Variants in FHOD3 observed in about 807,000 individuals in gnomAD.
FHOD3 encodes FH1/FH2 domain-containing protein 3.
In FHOD3, 90 loss-of-function variants were observed where a neutral mutation model predicts 173.0. The observed-to-expected ratio is 0.52, with a 90% CI of 0.44 to 0.62. FHOD3 has a LOEUF of 0.62. Among genes scored for constraint, FHOD3 ranks in the 20% least tolerant of loss-of-function variants. FHOD3 has a pLI of 0.00. For missense variants in FHOD3, 1,945 were observed against 2,034.7 expected, an observed-to-expected ratio of 0.96 and a Z score of 0.85; for synonymous variants, 828 against 823.0, an observed-to-expected ratio of 1.01 and a Z score of -0.10.
intron 9 of FHOD3, among the ~76,000 whole-genome samples, chr18:36,625,113 C>T (rs1189280622): frequency 2.6e-5 from 4 of 152,252 alleles, no homozygotes; most frequent in African/African-American, 9.6e-5. Flanking sequence ...AACCGGCCAC[C>T]ACTAGGCTTC....
intron 7 of FHOD3, among the ~76,000 whole-genome samples, chr18:36,596,658 A>G (rs948751199): frequency 7.2e-5 from 11 of 152,154 alleles, no homozygotes; most frequent in Non-Finnish European, 1.2e-4. Context: ...GGCACTAGGC[A>G]TGGCTGATGG....
chr18:36,370,866 A>G (rs2047150610), intron 2 of FHOD3, among the ~76,000 whole-genome samples: 1 of 152,198 alleles, frequency 6.6e-6, no homozygotes, highest in African/African-American at 2.4e-5. Context: ...CTACCCCAGA[A>G]AACCTTTCTT....
At chr18:36,565,342 C>G (rs1227959348) in intron 5 of FHOD3, among the ~76,000 whole-genome samples, 1 of 152,128 alleles carries the variant, frequency 6.6e-6, no homozygotes, top group Non-Finnish European at 1.5e-5. Flanking sequence ...GTGAGTGATA[C>G]TAATAGTTTT....
At chr18:36,514,976 C>G (rs12971049) in intron 5 of FHOD3, among the ~76,000 whole-genome samples, 20,822 of 152,172 alleles carry the variant, frequency 0.14, 1,919 homozygotes, top group East Asian at 0.47. Context: ...AGAGGGAGTT[C>G]GGAAAGAAAA....
At chr18:36,533,278 G>A (rs2056861519) in intron 5 of FHOD3, among the ~76,000 whole-genome samples, 1 of 152,240 alleles carries the variant, frequency 6.6e-6, no homozygotes, top group Non-Finnish European at 1.5e-5. Flanking sequence ...ATGAGCATGT[G>A]CGACGCATTT....
At chr18:36,624,062 G>T (rs775115455) in intron 9 of FHOD3, among the ~76,000 whole-genome samples, 127 of 152,218 alleles carry the variant, frequency 8.3e-4, no homozygotes, top group Non-Finnish European at 1.6e-3. Context: ...CACCCACAAG[G>T]CTGGAGAACT....
chr18:36,357,710 A>G (rs117472838), intron 2 of FHOD3, among the ~76,000 whole-genome samples: 26 of 152,232 alleles, frequency 1.7e-4, no homozygotes, highest in African/African-American at 6.3e-4. Context: ...ATCCTTTCAT[A>G]TAAGTTGTCA....
intron 3 of FHOD3, among the ~76,000 whole-genome samples, chr18:36,410,566 C>T (rs1438911741): frequency 6.6e-6 from 1 of 152,156 alleles, no homozygotes; most frequent in Non-Finnish European, 1.5e-5. Context: ...TAAGGAACTG[C>T]CACATGATTT....
chr18:36,759,440 T>C (rs949322386), intron 26 of FHOD3, among the ~76,000 whole-genome samples: 2 of 152,194 alleles, frequency 1.3e-5, no homozygotes, highest in African/African-American at 4.8e-5. Context: ...GCTGGAAAAG[T>C]GGACAGAGAA....
At chr18:36,425,649 T>C (rs536482912) in intron 3 of FHOD3, among the ~76,000 whole-genome samples, 1 of 152,246 alleles carries the variant, frequency 6.6e-6, no homozygotes, top group East Asian at 1.9e-4. Context: ...AATTAAAAAG[T>C]GTATAAACAT....
intron 1 of FHOD3, among the ~76,000 whole-genome samples, chr18:36,306,817 G>A (rs1160695179): frequency 6.6e-6 from 1 of 152,208 alleles, no homozygotes; most frequent in Non-Finnish European, 1.5e-5. Flanking sequence ...AGTTAGAAGG[G>A]AGGAAGAATA....
intron 3 of FHOD3, among the ~76,000 whole-genome samples, chr18:36,455,283 T>A (rs1167075218): frequency 6.6e-6 from 1 of 152,228 alleles, no homozygotes; most frequent in Non-Finnish European, 1.5e-5. Context: ...CTGGCTTACC[T>A]CCAGCCTTAT....
chr18:36,316,402 T>G (rs1265166366), intron 1 of FHOD3, among the ~76,000 whole-genome samples: 3 of 152,172 alleles, frequency 2.0e-5, no homozygotes, highest in Non-Finnish European at 4.4e-5. Flanking sequence ...CACCAGCATT[T>G]GTTCACCAGC....
At chr18:36,685,919 G>T (rs1386053668) in intron 15 of FHOD3, among the ~76,000 whole-genome samples, 2 of 152,074 alleles carry the variant, frequency 1.3e-5, no homozygotes, top group Non-Finnish European at 2.9e-5. Context: ...TAAAATTTGG[G>T]CATCTGTGGG....
At chr18:36,605,250 A>G (rs2031925700) in intron 8 of FHOD3, among the ~76,000 whole-genome samples, 1 of 152,224 alleles carries the variant, frequency 6.6e-6, no homozygotes, top group African/African-American at 2.4e-5. Flanking sequence ...TGGAATTTTC[A>G]CACTGCCACA....
intron 5 of FHOD3, among the ~76,000 whole-genome samples, chr18:36,548,208 T>A (rs1451935727): frequency 6.6e-6 from 1 of 151,892 alleles, no homozygotes. Context: ...AAAAAAAAAA[T>A]TCTGTACATT....
intron 3 of FHOD3, among the ~76,000 whole-genome samples, chr18:36,409,082 G>A (rs531984220): frequency 7.4e-4 from 112 of 152,110 alleles, no homozygotes; most frequent in Non-Finnish European, 1.4e-3. Context: ...GCTTCTCACC[G>A]GGCTGAGTCT....
At chr18:36,516,096 T>A (rs1360394382) in intron 5 of FHOD3, among the ~76,000 whole-genome samples, 1 of 152,222 alleles carries the variant, frequency 6.6e-6, no homozygotes, top group African/African-American at 2.4e-5. Context: ...TTTGTGACTT[T>A]GAACAATTTC....
Position 36,652,978 on chromosome 18 carries a change from A to G in FHOD3, c.1646+49A>G, listed in dbSNP as rs1053324403. On this transcript the variant is annotated intron_variant, in intron 12 of 28. Coordinates refer to ENST00000590592, the MANE Select transcript of FHOD3 (RefSeq NM_001281740.3). ...TGTTTGAGATTAACTCGGGGAGGAG[A>G]ACACAGTGTGTTAACTGCACCCCTT... The G allele has an allele frequency of 4.0e-6, 6 of 1,492,466 alleles. No homozygotes were observed. The African/African-American group carries it at 8.3e-5, about 21-fold the overall frequency. 92.5% of individuals were successfully genotyped at this position (1,492,466 alleles called of 1,614,324 possible).
Sources: gnomAD v4.1 joint callset for allele counts (sites outside exome capture counted in the v4.1 genomes callset) on GRCh38, gnomAD v4.1.1 for gene constraint, MANE v1.5 for transcripts, NCBI Gene and HGNC (gene_info 2026-07-23, HGNC 2026-07-21) for gene names.